CASKIN1: variants seen among roughly 807,000 people sequenced by gnomAD.
CASKIN1 encodes CASK interacting protein 1, also known as caskin-1.
CASKIN1 carries 42 observed loss-of-function variants against 117.5 expected under a neutral mutation model. The observed-to-expected ratio is 0.36, with a 90% CI of 0.28 to 0.46. CASKIN1 has a LOEUF of 0.46. Ranked by LOEUF, CASKIN1 falls within the 20% of genes least tolerant of loss-of-function variation. CASKIN1 has a pLI of 1.00. For missense variants in CASKIN1, 2,083 were observed against 2,077.3 expected (o/e 1.00, Z -0.05); for synonymous variants, 1,148 against 961.7 (o/e 1.19, Z -3.59).
rs757429285 is a variant in CASKIN1 at position 2,186,845 on chromosome 16, C to T, written c.931-21G>A. On this transcript the variant is annotated intron_variant, in intron 9 of 19. Transcript: ENST00000343516. Reference sequence around the variant, plus strand: ...AGGACCTGGCCAGTAAGGTGGGGGGCGCTCAGGGAGATGCCCCCTTTCGCA... The same window carrying T: ...AGGACCTGGCCAGTAAGGTGGGGGGTGCTCAGGGAGATGCCCCCTTTCGCA... The T allele has an allele frequency of 2.6e-5, 42 of 1,610,532 alleles. 1 individual carries two copies. The African/African-American group carries it at 2.8e-4, about 11-fold the overall frequency.
chr16:2,178,729 C>T lies in CASKIN1; in HGVS notation c.4200-83G>A, dbSNP rs1267670004. 4.4e-6 allele frequency: 6 copies of T among 1,375,360 alleles called. No homozygotes were observed. In the Admixed American group the frequency reaches 1.1e-4, roughly 24 times the overall value. The allele number at this position is 1,375,360 out of a possible 1,614,324, so 85.2% of individuals were successfully genotyped here. ...CCGACCAGGACACGCCCACGTCCCGCATCTCCGTCGGCTTCCGCCTACCGC... is the reference window on the plus strand; with the variant it reads ...CCGACCAGGACACGCCCACGTCCCGTATCTCCGTCGGCTTCCGCCTACCGC... On this transcript the variant is annotated intron_variant, in intron 19 of 19. Coordinates refer to ENST00000343516, the MANE Select transcript of CASKIN1 (RefSeq NM_020764.4).
At chr16:2,190,272 C>T in intron 2 of CASKIN1, 35 bp downstream of exon 2, 1 of 1,579,876 alleles carries the variant, frequency 6.3e-7, no homozygotes, top group Non-Finnish European at 8.6e-7. Flanking sequence ...AGCCACCCTC[C>T]CTTCCAGGCA....
rs745687953 is a variant in CASKIN1 at position 2,196,468 on chromosome 16, G to C, written c.-36C>G. On this transcript the variant is annotated 5_prime_UTR_variant, in exon 1 of 20. Coordinates refer to ENST00000343516, the MANE Select transcript of CASKIN1 (RefSeq NM_020764.4). The surrounding 1 kb of genome is among the most constrained non-coding windows in gnomAD (Gnocchi z 5.7). Reference sequence around the variant, plus strand: ...GGGCCGCAGCGACGCGGCTGCGCTCGTGAGCTCGGCGCGGCTCAGAGGCGG... The same window carrying C: ...GGGCCGCAGCGACGCGGCTGCGCTCCTGAGCTCGGCGCGGCTCAGAGGCGG... The C allele has an allele frequency of 2.7e-6, 3 of 1,094,018 alleles. No homozygotes were observed. The highest frequency in any genetic ancestry group is 2.9e-5 in the South Asian group (1 of 34,992). The allele number at this position is 1,094,018 out of a possible 1,614,324, so 67.8% of individuals were successfully genotyped here. A position where few individuals can be genotyped will look rare whatever the true frequency, so the allele number is the denominator to read the frequency against.
At position 2,183,259 on chromosome 16, in the gene CASKIN1, ACCTGGGTG is replaced by A. The variant is rs1350661519; in HGVS notation, c.1629+379_1629+386del. Among the ~76,000 whole-genome samples the A allele has an allele frequency of 2.0e-5, 3 of 152,266 alleles. No homozygotes were observed. In the East Asian group the frequency reaches 5.8e-4, roughly 29 times the overall value. On this transcript the variant is annotated intron_variant, in intron 16 of 19. Coordinates refer to ENST00000343516, the MANE Select transcript of CASKIN1 (RefSeq NM_020764.4). Reference sequence around the variant, plus strand: ...CCTGCCAGGCGTGTGGCTGGCACGTACCTGGGTGCCTGTGAGCAAAGGCCGTAAGCATG... The same window carrying A: ...CCTGCCAGGCGTGTGGCTGGCACGTACCTGTGAGCAAAGGCCGTAAGCATG...
At chr16:2,185,614 C>T (rs1030548131) in intron 10 of CASKIN1, among the ~76,000 whole-genome samples, 1 of 152,262 alleles carries the variant, frequency 6.6e-6, no homozygotes. Flanking sequence ...GCCTAGGCAT[C>T]CTGCCGGTGG....
chr16:2,193,935 G>A (rs2093208054), intron 1 of CASKIN1, among the ~76,000 whole-genome samples: 1 of 152,196 alleles, frequency 6.6e-6, no homozygotes, highest in Admixed American at 6.5e-5. Flanking sequence ...CGGGTTCTCT[G>A]GATGAAGCAG....
At chr16:2,183,301 C>G (rs1374107401) in intron 16 of CASKIN1, among the ~76,000 whole-genome samples, 5 of 152,230 alleles carry the variant, frequency 3.3e-5, no homozygotes, top group African/African-American at 1.2e-4. Context: ...TGGCCCCCTA[C>G]AGTCTGCATG....
Position 2,179,529 on chromosome 16 carries a change from G to T in CASKIN1, c.3775+64C>A. 7.1e-7 allele frequency: 1 copy of T among 1,401,054 alleles called. No homozygotes were observed. Among genetic ancestry groups the T allele is most frequent in the South Asian group, 1.5e-5 (1 of 66,020 alleles). 86.8% of individuals were successfully genotyped at this position (1,401,054 alleles called of 1,614,324 possible). On this transcript the variant is annotated intron_variant, in intron 18 of 19. Coordinates refer to ENST00000343516, the MANE Select transcript of CASKIN1 (RefSeq NM_020764.4). This position sits in a 1 kb window ranked among gnomAD's most constrained non-coding sequence, Gnocchi z 5.8. ...AACCCAAGAAAAGGAAAACCCCTCA[G>T]ACCACCGAGTAAGGAGGTGGAGCAG...
At chr16:2,191,445 T>C (rs2093201383) in intron 1 of CASKIN1, among the ~76,000 whole-genome samples, 1 of 152,168 alleles carries the variant, frequency 6.6e-6, no homozygotes, top group African/African-American at 2.4e-5. Flanking sequence ...CACCAGCCTG[T>C]GTCCTTGGCT....
Position 2,181,403 on chromosome 16 carries a change from G to C in CASKIN1, c.1965C>G (p.Ser655Arg). Residue 655 changes from serine (S) to arginine (R), a missense_variant, in exon 18 of 20, where the codon AGC becomes AGG. Around this residue, in one of 3 missense-constraint regions of CASKIN1, gnomAD observed 1,818 missense variants for 1,688.9 expected, o/e 1.08. Coordinates refer to ENST00000343516, the MANE Select transcript of CASKIN1 (RefSeq NM_020764.4). ...QSPKMTTFQD[S>R]ELSDELQAAM... is the part of the protein sequence containing the mutation. ...CAGCCTGCAGCTCGTCACTGAGCTCGCTGTCCTGGAAGGTGGTCATTTTAG... is the reference window on the plus strand; with the variant it reads ...CAGCCTGCAGCTCGTCACTGAGCTCCCTGTCCTGGAAGGTGGTCATTTTAG... 5.6e-6 allele frequency: 9 copies of C among 1,611,282 alleles called. No individual in the cohort carries two copies. The highest frequency in any genetic ancestry group is 7.6e-6 in the Non-Finnish European group (9 of 1,179,578).
At chr16:2,188,486 G>A (rs2093191442) in intron 6 of CASKIN1, among the ~76,000 whole-genome samples, 1 of 151,872 alleles carries the variant, frequency 6.6e-6, no homozygotes, top group Non-Finnish European at 1.5e-5. Context: ...AAGTAGCTGG[G>A]TCTACAGGTG....
In CASKIN1 at chr16:2,177,892, T is replaced by C. The variant is rs1347030261; in HGVS notation, c.*658A>G. Reference sequence around the variant, plus strand: ...CCCCCGGGCCCCAGCCTTCCACCTGTGCTAGCAGCCTGGGGCCTCCACTCT... The same window carrying C: ...CCCCCGGGCCCCAGCCTTCCACCTGCGCTAGCAGCCTGGGGCCTCCACTCT... On this transcript the variant is annotated 3_prime_UTR_variant, in exon 20 of 20. Transcript: ENST00000343516. 2 of 317,556 alleles carry C rather than the reference T, an allele frequency of 6.3e-6. No individual in the cohort carries two copies. The highest frequency in any genetic ancestry group is 1.0e-4 in the Admixed American group (2 of 20,100). The allele number at this position is 317,556 out of a possible 1,614,324, so 19.7% of individuals were successfully genotyped here.
At chr16:2,195,426 G>T (rs981083782) in intron 1 of CASKIN1, among the ~76,000 whole-genome samples, 2 of 152,238 alleles carry the variant, frequency 1.3e-5, no homozygotes, top group African/African-American at 4.8e-5. Flanking sequence ...CCCTGTCCGT[G>T]CCCGCACAGG....
At chr16:2,192,140 GAA>G (rs1263905349) in intron 1 of CASKIN1, among the ~76,000 whole-genome samples, 1 of 151,114 alleles carries the variant, frequency 6.6e-6, no homozygotes, top group Non-Finnish European at 1.5e-5. Flanking sequence ...AAAAATAAAG[GAA>G]AAAAAAAGTA....
At chr16:2,190,486 C>A in intron 1 of CASKIN1, 128 bp from the exon 2 acceptor site, 2 of 819,496 alleles carry the variant, frequency 2.4e-6, no homozygotes, top group South Asian at 3.2e-5. Context: ...TCTGCAGACA[C>A]TCACTCGTCC....
Position 2,180,451 on chromosome 16 carries a change from C to G in CASKIN1, c.2917G>C (p.Glu973Gln). 2 of 1,558,980 alleles carry G rather than the reference C, an allele frequency of 1.3e-6. No individual in the cohort carries two copies. The highest frequency in any genetic ancestry group is 1.4e-5 in the African/African-American group (1 of 73,970). Residue 973 changes from glutamate to glutamine, a missense_variant, in exon 18 of 20, where the codon GAG becomes CAG. By Grantham distance (29) the Glu-to-Gln change is conservative. Transcript: ENST00000343516. ...ADEPVPDAEP[E>Q]DGLLGVRAQC... ...GCCCGGACCCCCAGCAGGCCATCCT[C>G]AGGCTCGGCGTCAGGCACCGGCTCA...
At position 2,182,475 on chromosome 16, in the gene CASKIN1, G is replaced by A. The variant is rs187071720; in HGVS notation, c.1630-546C>T. 8.8e-4 allele frequency among the ~76,000 whole-genome samples: 132 copies of A among 150,534 alleles called. 1 individual carries two copies. Among genetic ancestry groups the A allele is most frequent in the African/African-American group, 2.7e-3 (109 of 40,854 alleles). Reference sequence around the variant, plus strand: ...AGAAACACCCGATCACTCCCCGAGCGGCATTCAGGCGTCCACACTTCCAGC... The same window carrying A: ...AGAAACACCCGATCACTCCCCGAGCAGCATTCAGGCGTCCACACTTCCAGC... On this transcript the variant is annotated intron_variant, in intron 16 of 19. Coordinates refer to ENST00000343516, the MANE Select transcript of CASKIN1 (RefSeq NM_020764.4). The surrounding 1 kb of genome is among the most constrained non-coding windows in gnomAD (Gnocchi z 4.1).
Position 2,185,332 on chromosome 16 carries a change from G to C in CASKIN1, c.1125C>G (p.Ile375Met). 1.9e-6 allele frequency: 3 copies of C among 1,605,880 alleles called. No homozygotes were observed. The highest frequency in any genetic ancestry group is 8.5e-7 in the Non-Finnish European group (1 of 1,174,408). ...CTGCAAAAGGCTTCCTCAGCACCCA[G>C]ATCTCCTCTGGGGGTGCAGAGGGTC... is the stretch of plus-strand genomic sequence containing the variant. ...SSGPSAPPEE[I>M]WVLRKPFAGG... The change falls in exon 11 of 20, where the codon ATC becomes ATG. Residue 375 changes from isoleucine to methionine, a missense_variant. Physicochemically the swap from Ile to Met is conservative, Grantham distance 10. Transcript: ENST00000343516.
chr16:2,188,526 T>G (rs1362597436), intron 6 of CASKIN1, among the ~76,000 whole-genome samples: 1 of 151,388 alleles, frequency 6.6e-6, no homozygotes, highest in African/African-American at 2.4e-5. Flanking sequence ...AGTTTTTGTA[T>G]TTTTTGTAGA....
Sources: gnomAD v4.1 joint callset for allele counts (sites outside exome capture counted in the v4.1 genomes callset) on GRCh38, gnomAD v4.1.1 for gene constraint, gnomAD v4.1.1 regional missense constraint, Gnocchi (gnomAD v3.1) non-coding constraint, MANE v1.5 for transcripts, NCBI Gene and HGNC (gene_info 2026-07-23, HGNC 2026-07-21) for gene names.